AGAP1: variants seen among roughly 807,000 people sequenced by gnomAD.
AGAP1 encodes arf-GAP with GTPase, ANK repeat and PH domain-containing protein 1.
A neutral mutation model predicts 105.3 loss-of-function variants in AGAP1; 29 were observed. The ratio of observed to expected loss-of-function variants is 0.28; its 90% CI spans 0.21 to 0.38. The LOEUF is 0.38. AGAP1 is among the 10% of genes least tolerant of loss of function. AGAP1 has a pLI of 1.00. For synonymous variants in AGAP1, 509 were observed against 485.9 expected (o/e 1.05, Z -0.63); for missense variants, 998 against 1,165.1 (o/e 0.86, Z 2.09).
intron 9 of AGAP1, among the ~76,000 whole-genome samples, chr2:235,871,306 T>C (rs1229956389): frequency 6.6e-6 from 1 of 152,186 alleles, no homozygotes; most frequent in Non-Finnish European, 1.5e-5. Flanking sequence ...CTCCTCTCTC[T>C]CCTCCCGTAT....
At chr2:236,084,190 G>C (rs2058861660) in intron 16 of AGAP1, among the ~76,000 whole-genome samples, 1 of 151,104 alleles carries the variant, frequency 6.6e-6, no homozygotes, top group Non-Finnish European at 1.5e-5. Flanking sequence ...CAGCTGTAAT[G>C]ATGGTTCGCT....
rs1041983524 is a variant in AGAP1 at position 235,762,972 on chromosome 2, A to G, written c.673+12484A>G. ...AAGAAAGATGATTTTTAAAGGATATAAAATATGGAAATAAAAACCACTGAC... is the reference window on the plus strand; with the variant it reads ...AAGAAAGATGATTTTTAAAGGATATGAAATATGGAAATAAAAACCACTGAC... On this transcript the variant is annotated intron_variant, in intron 6 of 17. Coordinates refer to ENST00000304032, the MANE Select transcript of AGAP1 (RefSeq NM_001037131.3). 1.6e-3 allele frequency among the ~76,000 whole-genome samples: 236 copies of G among 152,210 alleles called. 1 individual carries two copies. Among genetic ancestry groups the G allele is most frequent in the African/African-American group, 5.5e-3 (228 of 41,526 alleles).
chr2:235,757,183 A>AATT (rs147536106), intron 6 of AGAP1, among the ~76,000 whole-genome samples: 2,742 of 152,268 alleles, frequency 0.018, 94 homozygotes, highest in African/African-American at 0.062. Context: ...ATAAATTACA[A>AATT]ATTATCATCT....
chr2:235,689,199 C>T lies in AGAP1; in HGVS notation c.164-19980C>T, dbSNP rs974443615. 3.3e-5 allele frequency among the ~76,000 whole-genome samples: 5 copies of T among 152,320 alleles called. No homozygotes were observed. Among genetic ancestry groups the T allele is most frequent in the South Asian group, 2.1e-4 (1 of 4,822 alleles). On this transcript the variant is annotated intron_variant, in intron 1 of 17. Coordinates refer to ENST00000304032, the MANE Select transcript of AGAP1 (RefSeq NM_001037131.3). This position sits in a 1 kb window ranked among gnomAD's most constrained non-coding sequence, Gnocchi z 4.2. ...TTGTGCTGCCTTCGGTAGATGGCCCCGGCCCTGCCTATGCCTTGGACACTC... is the reference window on the plus strand; with the variant it reads ...TTGTGCTGCCTTCGGTAGATGGCCCTGGCCCTGCCTATGCCTTGGACACTC...
chr2:235,838,205 A>G (rs911309490), intron 9 of AGAP1, among the ~76,000 whole-genome samples: 1 of 146,120 alleles, frequency 6.8e-6, no homozygotes, highest in Non-Finnish European at 1.5e-5. Context: ...CCAAAAAAAG[A>G]AAAGAGGGAA....
At chr2:235,810,923 G>A (rs1316238253) in intron 9 of AGAP1, among the ~76,000 whole-genome samples, 1 of 151,252 alleles carries the variant, frequency 6.6e-6, no homozygotes, top group East Asian at 2.0e-4. Context: ...CGGCTCAGCG[G>A]CAAGTGGGTT....
chr2:235,802,322 AC>A (rs917014870), intron 8 of AGAP1, among the ~76,000 whole-genome samples: 2 of 152,232 alleles, frequency 1.3e-5, no homozygotes, highest in Non-Finnish European at 2.9e-5. Context: ...ACTCATTGTT[AC>A]AGTGACCAAA....
At position 235,724,759 on chromosome 2, in the gene AGAP1, G is replaced by C. The variant is rs932309863; in HGVS notation, c.310+7115G>C. Among the ~76,000 whole-genome samples, 5 of 152,116 alleles carry C rather than the reference G, an allele frequency of 3.3e-5. No homozygotes were observed. The highest frequency in any genetic ancestry group is 7.2e-5 in the African/African-American group (3 of 41,414). ...AGAAACAGTGGGTGAGATTAGGCTC[G>C]ACAGTTCCCTAACTCAGGAAAGTCG... On this transcript the variant is annotated intron_variant, in intron 3 of 17. Transcript: ENST00000304032. This position sits in a 1 kb window ranked among gnomAD's most constrained non-coding sequence, Gnocchi z 4.9.
At chr2:236,069,176 G>A (rs929114836) in intron 16 of AGAP1, among the ~76,000 whole-genome samples, 6 of 151,156 alleles carry the variant, frequency 4.0e-5, no homozygotes, top group Non-Finnish European at 8.8e-5. Context: ...TTCAAAATAG[G>A]CAATTAAATA....
chr2:235,991,317 A>G (rs2055555871), intron 13 of AGAP1, among the ~76,000 whole-genome samples: 2 of 152,240 alleles, frequency 1.3e-5, no homozygotes, highest in Non-Finnish European at 2.9e-5. Context: ...ACATACAATT[A>G]TATTCCAATA....
rs369599695 is a variant in AGAP1 at position 235,799,414 on chromosome 2, A to G, written c.849A>G (p.Pro283=). ...TAAGCGACTATTCCTCCTCCGTTCC[A>G]TCGACTCCCAGCACCAGCCAGAAGG... ...GSLSDYSSSV[P]STPSTSQKEL... Residue 283 remains proline (P), a synonymous_variant, in exon 8 of 18, where the codon CCA becomes CCG. Coordinates refer to ENST00000304032, the MANE Select transcript of AGAP1 (RefSeq NM_001037131.3). This position sits in a 1 kb window ranked among gnomAD's most constrained non-coding sequence, Gnocchi z 5.0. 5.4e-4 allele frequency: 865 copies of G among 1,614,128 alleles called. 10 individuals are homozygous for G. In the South Asian group the frequency reaches 9.0e-3, roughly 17 times the overall value.
intron 12 of AGAP1, among the ~76,000 whole-genome samples, chr2:235,950,716 G>A (rs1559685666): frequency 1.3e-5 from 2 of 152,086 alleles, no homozygotes; most frequent in Admixed American, 6.6e-5. Flanking sequence ...AGAAAGAGAG[G>A]AAAATGTCAA....
Position 235,801,274 on chromosome 2 carries a change from C to T in AGAP1, c.957+1752C>T, listed in dbSNP as rs1957481891. Among the ~76,000 whole-genome samples the T allele has an allele frequency of 1.3e-5, 2 of 152,150 alleles. No homozygotes were observed. On this transcript the variant is annotated intron_variant, in intron 8 of 17. Coordinates refer to ENST00000304032, the MANE Select transcript of AGAP1 (RefSeq NM_001037131.3). The surrounding 1 kb of genome is among the most constrained non-coding windows in gnomAD (Gnocchi z 6.0). ...TACTTGACCTCTCTGGGCTGGAAAC[C>T]ATAGTACTTCTGCAGTGGGGCTTCC...
Position 236,062,199 on chromosome 2 carries a change from A to C in AGAP1, c.2114+12918A>C, listed in dbSNP as rs953625134. 6.6e-6 allele frequency among the ~76,000 whole-genome samples: 1 copy of C among 152,172 alleles called. No individual in the cohort carries two copies. Among genetic ancestry groups the C allele is most frequent in the South Asian group, 2.1e-4 (1 of 4,834 alleles). ...CCACCAGATACTGGGAGTCCCTGGG[A>C]GAGATCAGGCACTTGACAAGCCCTG... On this transcript the variant is annotated intron_variant, in intron 16 of 17. Coordinates refer to ENST00000304032, the MANE Select transcript of AGAP1 (RefSeq NM_001037131.3). This position sits in a 1 kb window ranked among gnomAD's most constrained non-coding sequence, Gnocchi z 4.2.
chr2:236,124,164 C>A lies in AGAP1; in HGVS notation c.*42C>A. 6.3e-7 allele frequency: 1 copy of A among 1,598,592 alleles called. No homozygotes were observed. The highest frequency in any genetic ancestry group is 8.6e-7 in the Non-Finnish European group (1 of 1,169,106). Reference sequence around the variant, plus strand: ...CCTGCTCGCCGCACCTGGGACGCGGCAGCCTCGCCGCATTCTCGCTCAGAA... The same window carrying A: ...CCTGCTCGCCGCACCTGGGACGCGGAAGCCTCGCCGCATTCTCGCTCAGAA... On this transcript the variant is annotated 3_prime_UTR_variant, in exon 18 of 18. Coordinates refer to ENST00000304032, the MANE Select transcript of AGAP1 (RefSeq NM_001037131.3). The surrounding 1 kb of genome is among the most constrained non-coding windows in gnomAD (Gnocchi z 5.1).
chr2:236,015,752 A>G (rs927089845), intron 13 of AGAP1, among the ~76,000 whole-genome samples: 4 of 152,170 alleles, frequency 2.6e-5, no homozygotes, highest in African/African-American at 9.7e-5. Context: ...CAAATGGGTC[A>G]AGTAATCGCA....
chr2:236,085,062 A>G (rs1444536128), intron 16 of AGAP1, among the ~76,000 whole-genome samples: 1 of 150,646 alleles, frequency 6.6e-6, no homozygotes, highest in African/African-American at 2.4e-5. Context: ...AAAATACACA[A>G]AAAATTAGCC....
At position 235,891,734 on chromosome 2, in the gene AGAP1, A is replaced by G. The variant is rs2050555119; in HGVS notation, c.1155+8285A>G. On this transcript the variant is annotated intron_variant, in intron 10 of 17. Transcript: ENST00000304032. This position sits in a 1 kb window ranked among gnomAD's most constrained non-coding sequence, Gnocchi z 4.2. ...CAAGGACTTCAAGGTGCCCCTGTCT[A>G]GGAAAGCTCACCAGTGTTCCGGTCC... Among the ~76,000 whole-genome samples, 1 of 152,168 alleles carries G rather than the reference A, an allele frequency of 6.6e-6. No individual in the cohort carries two copies. Among genetic ancestry groups the G allele is most frequent in the African/African-American group, 2.4e-5 (1 of 41,440 alleles).
chr2:235,664,722 A>C lies in AGAP1; in HGVS notation c.164-44457A>C, dbSNP rs1173168119. ...GGGGTCCGATGCTTCCTATGGCTGCATGGAGGAAAGGAGTCTGGGCCTGAA... is the reference window on the plus strand; with the variant it reads ...GGGGTCCGATGCTTCCTATGGCTGCCTGGAGGAAAGGAGTCTGGGCCTGAA... On this transcript the variant is annotated intron_variant, in intron 1 of 17. Transcript: ENST00000304032. This position sits in a 1 kb window ranked among gnomAD's most constrained non-coding sequence, Gnocchi z 5.7. Among the ~76,000 whole-genome samples the C allele has an allele frequency of 6.6e-6, 1 of 152,170 alleles. No homozygotes were observed. Among genetic ancestry groups the C allele is most frequent in the Non-Finnish European group, 1.5e-5 (1 of 68,012 alleles).
Sources: allele counts gnomAD v4.1 joint callset (sites outside exome capture counted in the v4.1 genomes callset), GRCh38; gene constraint gnomAD v4.1.1; non-coding constraint Gnocchi (gnomAD v3.1); transcripts MANE v1.5; gene names NCBI Gene and HGNC (gene_info 2026-07-23, HGNC 2026-07-21).